FMNL2: variants seen among roughly 807,000 people sequenced by gnomAD.
FMNL2 encodes the protein formin-like protein 2.
Under a neutral mutation model 130.2 loss-of-function variants are expected in FMNL2, and 51 were observed. The observed-to-expected ratio is 0.39, with a 90% CI of 0.31 to 0.49. FMNL2 has a LOEUF of 0.49. FMNL2 is among the 20% of genes least tolerant of loss of function. FMNL2 has a pLI of 0.85. For synonymous variants in FMNL2, 465 were observed against 467.1 expected (o/e 1.00, Z 0.06); for missense variants, 977 against 1,316.2 (o/e 0.74, Z 3.99).
chr2:152,640,642 A>T, intron 24 of FMNL2, 149 bp from the exon 25 acceptor site: 1 of 987,154 alleles, frequency 1.0e-6, no homozygotes, highest in Non-Finnish European at 1.4e-6. Context: ...CAGAAGCTTG[A>T]GTTCTCTGCA....
At chr2:152,411,812 T>G (rs1686305216) in intron 1 of FMNL2, among the ~76,000 whole-genome samples, 1 of 152,190 alleles carries the variant, frequency 6.6e-6, no homozygotes, top group Admixed American at 6.5e-5. Context: ...CATGGTACCC[T>G]TTTATTGGGT....
chr2:152,338,081 G>A (rs1294318515), intron 1 of FMNL2, among the ~76,000 whole-genome samples: 2 of 151,066 alleles, frequency 1.3e-5, no homozygotes, highest in Non-Finnish European at 2.9e-5. Context: ...TTCTTCATGA[G>A]TTGCTTAAGA....
At chr2:152,365,107 A>T (rs149221066) in intron 1 of FMNL2, among the ~76,000 whole-genome samples, 9 of 152,220 alleles carry the variant, frequency 5.9e-5, no homozygotes, top group Admixed American at 2.0e-4. Flanking sequence ...CAATGTCTTT[A>T]TGTAGTTAAT....
intron 1 of FMNL2, among the ~76,000 whole-genome samples, chr2:152,414,315 C>A (rs1027428692): frequency 6.6e-6 from 1 of 152,116 alleles, no homozygotes; most frequent in Non-Finnish European, 1.5e-5. Context: ...GCTCATGATT[C>A]TTAATGAATC....
At position 152,522,915 on chromosome 2, in the gene FMNL2, T is replaced by A. The variant is rs80007490; in HGVS notation, c.201+889T>A. Among the ~76,000 whole-genome samples, 250 of 152,300 alleles carry A rather than the reference T, an allele frequency of 1.6e-3. 2 individuals are homozygous for A. Among genetic ancestry groups the A allele is most frequent in the African/African-American group, 5.7e-3 (239 of 41,570 alleles). On this transcript the variant is annotated intron_variant, in intron 2 of 25. Transcript: ENST00000288670. Reference sequence around the variant, plus strand: ...AAGCCTCAGCTATAGATTTCCAGTCTAAAAATATTACTACCAACCTTATTT... The same window carrying A: ...AAGCCTCAGCTATAGATTTCCAGTCAAAAAATATTACTACCAACCTTATTT...
chr2:152,408,700 T>C (rs1686129499), intron 1 of FMNL2, among the ~76,000 whole-genome samples: 1 of 152,196 alleles, frequency 6.6e-6, no homozygotes. Context: ...TTAAACATGC[T>C]GAGAACACTG....
chr2:152,376,871 T>TG (rs1229890543), intron 1 of FMNL2, among the ~76,000 whole-genome samples: 1 of 152,166 alleles, frequency 6.6e-6, no homozygotes, highest in Non-Finnish European at 1.5e-5. Flanking sequence ...GCATTCTCAG[T>TG]GGAGGTAATC....
At chr2:152,471,554 G>T (rs1321898881) in intron 1 of FMNL2, among the ~76,000 whole-genome samples, 1 of 152,186 alleles carries the variant, frequency 6.6e-6, no homozygotes, top group Non-Finnish European at 1.5e-5. Flanking sequence ...CCACGTGGGG[G>T]TGGGCGTCCG....
At chr2:152,426,752 A>C (rs879590432) in intron 1 of FMNL2, among the ~76,000 whole-genome samples, 4 of 152,080 alleles carry the variant, frequency 2.6e-5, no homozygotes, top group Non-Finnish European at 5.9e-5. Context: ...AGTACTTGGT[A>C]TTTAGAAAAG....
At chr2:152,472,547 T>G (rs1466344134) in intron 1 of FMNL2, among the ~76,000 whole-genome samples, 1 of 152,204 alleles carries the variant, frequency 6.6e-6, no homozygotes, top group Non-Finnish European at 1.5e-5. Flanking sequence ...ATCCTAATGC[T>G]TTGACTATGG....
intron 1 of FMNL2, among the ~76,000 whole-genome samples, chr2:152,430,719 A>G (rs1687448616): frequency 6.6e-6 from 1 of 152,124 alleles, no homozygotes; most frequent in Non-Finnish European, 1.5e-5. Context: ...CTGAAATACA[A>G]AAAATTAGCG....
intron 9 of FMNL2, among the ~76,000 whole-genome samples, chr2:152,588,177 G>T (rs775537059): frequency 1.3e-5 from 2 of 152,232 alleles, no homozygotes; most frequent in Non-Finnish European, 2.9e-5. Context: ...AGTGTATAGG[G>T]TGGTAATCTC....
rs549629140 is a variant in FMNL2 at position 152,402,951 on chromosome 2, G to T, written c.117+67231G>T. On this transcript the variant is annotated intron_variant, in intron 1 of 25. Coordinates refer to ENST00000288670, the MANE Select transcript of FMNL2 (RefSeq NM_052905.4). The stretch of plus-strand genomic sequence containing the variant: ...ACATTTAGTTGTCGTGGAGCCCCAG[G>T]CTATTTTTGGTTGTGACAGTGTCCC... Among the ~76,000 whole-genome samples the T allele has an allele frequency of 5.3e-5, 8 of 152,218 alleles. No homozygotes were observed. The East Asian group carries it at 1.5e-3, about 29-fold the overall frequency.
chr2:152,385,012 C>T (rs888635560), intron 1 of FMNL2, among the ~76,000 whole-genome samples: 4 of 152,070 alleles, frequency 2.6e-5, no homozygotes, highest in African/African-American at 7.2e-5. Context: ...CAAGAAACTC[C>T]GAGGCCATGC....
chr2:152,619,470 G>C, intron 14 of FMNL2, 39 bp from the exon 15 acceptor site: 1 of 1,549,422 alleles, frequency 6.5e-7, no homozygotes, highest in East Asian at 2.4e-5. Context: ...AGCCATTCCC[G>C]TATTTTCAAA....
chr2:152,474,804 G>A (rs999776710), intron 1 of FMNL2, among the ~76,000 whole-genome samples: 1 of 152,214 alleles, frequency 6.6e-6, no homozygotes, highest in Non-Finnish European at 1.5e-5. Context: ...GACCTATGGA[G>A]CCATGGAGCT....
chr2:152,592,813 G>T (rs1697510534), intron 9 of FMNL2, among the ~76,000 whole-genome samples: 2 of 152,176 alleles, frequency 1.3e-5, no homozygotes, highest in African/African-American at 4.8e-5. Flanking sequence ...TTCATATACA[G>T]CCTTACATAA....
chr2:152,452,198 C>T (rs1262464230), intron 1 of FMNL2, among the ~76,000 whole-genome samples: 2 of 152,108 alleles, frequency 1.3e-5, no homozygotes, highest in South Asian at 4.2e-4. Flanking sequence ...ACTTGCTCCC[C>T]GAAAGACAGT....
intron 1 of FMNL2, chr2:152,389,911 G>T (rs887039457): frequency 2.9e-6 from 3 of 1,036,320 alleles, no homozygotes; most frequent in African/African-American, 3.2e-5. Context: ...CCGGGAGAAG[G>T]TGGAGCGGGT....
Sources: gnomAD v4.1 joint callset for allele counts (sites outside exome capture counted in the v4.1 genomes callset) on GRCh38, gnomAD v4.1.1 for gene constraint, MANE v1.5 for transcripts, NCBI Gene and HGNC (gene_info 2026-07-23, HGNC 2026-07-21) for gene names.